Variants in PHF3 observed in about 807,000 individuals in gnomAD.
PHF3 encodes PHD finger protein 3.
PHF3 carries 41 observed loss-of-function variants against 178.4 expected under a neutral mutation model. The ratio of observed to expected loss-of-function variants is 0.23; its 90% CI spans 0.18 to 0.30. The LOEUF (loss-of-function observed/expected upper bound fraction) is 0.30. Among genes scored for constraint, PHF3 ranks in the 10% least tolerant of loss-of-function variants. PHF3 has a pLI of 1.00. For missense variants in PHF3, 2,346 were observed against 2,398.1 expected (o/e 0.98, Z 0.45); for synonymous variants, 842 against 800.5 (o/e 1.05, Z -0.88).
intron 2 of PHF3, among the ~76,000 whole-genome samples, chr6:63,674,296 G>GTATATATA (rs377238562): frequency 6.7e-6 from 1 of 148,546 alleles, no homozygotes. Flanking sequence ...ATATGTGTGT[G>GTATATATA]TATATATACA....
intron 12 of PHF3, 34 bp downstream of exon 12, chr6:63,706,258 A>G (rs771895535): frequency 1.8e-5 from 27 of 1,491,702 alleles, no homozygotes; most frequent in African/African-American, 4.2e-5. Flanking sequence ...TGTAATACTC[A>G]TTATAGATCT....
At chr6:63,681,675 G>T (rs1052643155) in intron 3 of PHF3, among the ~76,000 whole-genome samples, 2 of 151,914 alleles carry the variant, frequency 1.3e-5, no homozygotes, top group African/African-American at 4.8e-5. Flanking sequence ...TCTTTATTAA[G>T]ATACTAATGG....
intron 5 of PHF3, among the ~76,000 whole-genome samples, chr6:63,692,919 A>T (rs1767068678): frequency 6.6e-6 from 1 of 152,224 alleles, no homozygotes; most frequent in Admixed American, 6.5e-5. Flanking sequence ...AAGTTAATTT[A>T]GATTGAAGAG....
intron 2 of PHF3, among the ~76,000 whole-genome samples, chr6:63,648,983 A>G (rs1764905554): frequency 6.6e-6 from 1 of 152,150 alleles, no homozygotes; most frequent in African/African-American, 2.4e-5. Context: ...TGGGTCAGTA[A>G]AAGGCCCACA....
intron 2 of PHF3, among the ~76,000 whole-genome samples, chr6:63,653,190 TGTGTG>T (rs1228335054): frequency 1.3e-5 from 2 of 151,296 alleles, no homozygotes; most frequent in Non-Finnish European, 2.9e-5. Context: ...TTGTTTTTTT[TGTGTG>T]GTTTTGGGGA....
At chr6:63,655,459 C>T (rs906719307) in intron 2 of PHF3, among the ~76,000 whole-genome samples, 1 of 152,100 alleles carries the variant, frequency 6.6e-6, no homozygotes, top group Non-Finnish European at 1.5e-5. Context: ...GCGAGCTGCC[C>T]ACCTTAGCCC....
At chr6:63,689,180 G>C (rs1766884179) in intron 4 of PHF3, among the ~76,000 whole-genome samples, 1 of 152,160 alleles carries the variant, frequency 6.6e-6, no homozygotes, top group Non-Finnish European at 1.5e-5. Context: ...TTAATCCTCT[G>C]ATTTTTAAAA....
chr6:63,684,062 T>A, intron 3 of PHF3, 67 bp from the exon 4 acceptor site: 2 of 1,217,944 alleles, frequency 1.6e-6, no homozygotes, highest in Non-Finnish European at 2.3e-6. Context: ...TATTCTAAAT[T>A]GTATTGAAAT....
At position 63,706,106 on chromosome 6, in the gene PHF3, G is replaced by C. The variant is rs769443829; in HGVS notation, c.3445G>C (p.Asp1149His). 123 of 1,613,898 alleles carry C rather than the reference G, an allele frequency of 7.6e-5. No individual in the cohort carries two copies. Among genetic ancestry groups the C allele is most frequent in the Non-Finnish European group, 1.0e-4 (121 of 1,179,966 alleles). Residue 1149 changes from aspartate to histidine, a missense_variant, in exon 12 of 16, where the codon GAC (aspartate) becomes CAC (histidine). By Grantham distance (81) the Asp-to-His change is moderately conservative. Around this residue, in one of 8 missense-constraint regions of PHF3, gnomAD observed 205 missense variants for 212.4 expected, o/e 0.97. Coordinates refer to ENST00000262043, the MANE Select transcript of PHF3 (RefSeq NM_001370348.2). Reference protein sequence around the residue: ...VVVGVARKHSDNEAESIADAL... With the variant: ...VVVGVARKHSHNEAESIADAL... ...TGTAGGAGTAGCTCGCAAACATTCAGACAATGAAGCAGAAAGTATAGCAGA... is the reference window on the plus strand; with the variant it reads ...TGTAGGAGTAGCTCGCAAACATTCACACAATGAAGCAGAAAGTATAGCAGA...
rs1039076047 is a variant in PHF3 at position 63,691,831 on chromosome 6, A to G, written c.2284A>G (p.Lys762Glu). ...SQAQQMGEED[K>E]EYVCVKCCAE... Reference sequence around the variant, plus strand: ...AGCACAGCAGATGGGCGAGGAAGACAAAGAATATGTCTGTGTAAAATGTTG... The same window carrying G: ...AGCACAGCAGATGGGCGAGGAAGACGAAGAATATGTCTGTGTAAAATGTTG... The change falls in exon 5 of 16, where the codon AAA (lysine) becomes GAA (glutamate). Residue 762 changes from lysine (K) to glutamate (E), a missense_variant. By Grantham distance (56) the Lys-to-Glu change is moderately conservative. This residue lies in a region of PHF3 where 72 missense variants were observed against 110.5 expected (regional missense o/e 0.65). Transcript: ENST00000262043. 6.2e-7 allele frequency: 1 copy of G among 1,613,872 alleles called. No individual in the cohort carries two copies. Among genetic ancestry groups the G allele is most frequent in the Non-Finnish European group, 8.5e-7 (1 of 1,179,872 alleles).
chr6:63,687,082 A>G (rs1293538254), intron 4 of PHF3, among the ~76,000 whole-genome samples: 6 of 152,186 alleles, frequency 3.9e-5, no homozygotes, highest in African/African-American at 1.4e-4. Flanking sequence ...TGCTACATTC[A>G]CTGTCACTTA....
At position 63,720,764 on chromosome 6, in the gene PHF3, GC is replaced by G. The variant is rs1401354711; in HGVS notation, c.*7061del. On this transcript the variant is annotated 3_prime_UTR_variant, in exon 16 of 16. Coordinates refer to ENST00000262043, the MANE Select transcript of PHF3 (RefSeq NM_001370348.2). ...TATTTACCTTTCTACCATATTCAAA[GC>G]CCCCTAGATAACAAATGCCATCATA... The G allele has an allele frequency of 5.2e-6, 8 of 1,550,174 alleles. No individual in the cohort carries two copies. Among genetic ancestry groups the G allele is most frequent in the Non-Finnish European group, 7.0e-6 (8 of 1,146,262 alleles).
rs1423403201 is a variant in PHF3, at chr6:63,717,087, A to G, written c.*3379A>G. On this transcript the variant is annotated 3_prime_UTR_variant, in exon 16 of 16. Transcript: ENST00000262043. ...ATCTTTATAGAATAGCTAAGGCTAT[A>G]GTAAATACATGTGAAAAATTTAAGA... Among the ~76,000 whole-genome samples, 1 of 152,106 alleles carries G rather than the reference A, an allele frequency of 6.6e-6. No homozygotes were observed. The highest frequency in any genetic ancestry group is 1.5e-5 in the Non-Finnish European group (1 of 68,000).
At position 63,652,857 on chromosome 6, in the gene PHF3, T is replaced by A. The variant is rs1765073909; in HGVS notation, c.244+6062T>A. ...GTTGGTTATAAATATGTGGATTCAT[T>A]TCTGGGTTTCTTTTTCTGTTCCATT... is the stretch of plus-strand genomic sequence containing the variant. On this transcript the variant is annotated intron_variant, in intron 2 of 15. Coordinates refer to ENST00000262043, the MANE Select transcript of PHF3 (RefSeq NM_001370348.2). 3.9e-5 allele frequency among the ~76,000 whole-genome samples: 6 copies of A among 152,108 alleles called. No individual in the cohort carries two copies. In the South Asian group the frequency reaches 1.2e-3, roughly 31 times the overall value.
intron 11 of PHF3, 81 bp downstream of exon 11, chr6:63,703,752 T>C: frequency 7.2e-7 from 1 of 1,380,798 alleles, no homozygotes; most frequent in Non-Finnish European, 9.9e-7. Context: ...GTAATTTAAG[T>C]AGGTTTTGTT....
chr6:63,706,171 CTTT>C lies in PHF3; in HGVS notation c.3511_3513del (p.Phe1171del). 1 of 1,613,936 alleles carries C rather than the reference CTTT, an allele frequency of 6.2e-7. No individual in the cohort carries two copies. Among genetic ancestry groups the C allele is most frequent in the Non-Finnish European group, 8.5e-7 (1 of 1,179,878 alleles). On this transcript the variant is annotated inframe_deletion, in exon 12 of 16. Transcript: ENST00000262043. ...CCTCAAATATTTTGGCTTCTGAATT[CTTT>C]GAGGAGGAGAAACAGGAGTCTCCAA...
At chr6:63,686,375 A>G (rs1766707296) in intron 4 of PHF3, 1 of 153,216 alleles carries the variant, frequency 6.5e-6, no homozygotes, top group African/African-American at 2.4e-5. Flanking sequence ...AACATATTAA[A>G]GAACACCATT....
intron 9 of PHF3, among the ~76,000 whole-genome samples, chr6:63,700,763 T>C (rs1324671986): frequency 1.3e-5 from 2 of 152,176 alleles, no homozygotes; most frequent in East Asian, 3.8e-4. Context: ...TTTGTATTTT[T>C]AGTAGAGGTG....
intron 14 of PHF3, among the ~76,000 whole-genome samples, chr6:63,709,687 T>C (rs945433704): frequency 2.6e-5 from 4 of 152,156 alleles, no homozygotes; most frequent in African/African-American, 9.7e-5. Context: ...ACCTGTCTAG[T>C]TGTTTGAAAG....
Sources: gnomAD v4.1 joint callset for allele counts (sites outside exome capture counted in the v4.1 genomes callset) on GRCh38, gnomAD v4.1.1 for gene constraint, gnomAD v4.1.1 regional missense constraint, MANE v1.5 for transcripts, NCBI Gene and HGNC (gene_info 2026-07-23, HGNC 2026-07-21) for gene names.